Variants in TMEM184B observed in about 807,000 individuals in gnomAD.
TMEM184B encodes putative MAPK-activating protein FM08.
TMEM184B carries 17 observed loss-of-function variants against 41.8 expected under a neutral mutation model. That is an observed-to-expected ratio of 0.41 (90% CI 0.28 to 0.61). The LOEUF (loss-of-function observed/expected upper bound fraction) is 0.61. Among genes scored for constraint, TMEM184B ranks in the 20% least tolerant of loss-of-function variants. The pLI, the probability that TMEM184B is intolerant of heterozygous loss-of-function variation, is 0.34. For synonymous variants in TMEM184B, 240 were observed against 229.5 expected (o/e 1.05, Z -0.41); for missense variants, 393 against 557.8 (o/e 0.70, Z 2.98).
At chr22:38,269,497 A>G (rs1411892086) in intron 1 of TMEM184B, among the ~76,000 whole-genome samples, 1 of 152,102 alleles carries the variant, frequency 6.6e-6, no homozygotes, top group Non-Finnish European at 1.5e-5. Flanking sequence ...TACAGGCATG[A>G]GCCACCACGC....
chr22:38,230,839 A>T (rs1266075281), intron 4 of TMEM184B, 95 bp from the exon 5 acceptor site: 4 of 1,188,292 alleles, frequency 3.4e-6, no homozygotes. Flanking sequence ...ACCCATCCAG[A>T]CGAGCTGGGG....
chr22:38,251,371 C>T (rs1030013428), intron 1 of TMEM184B, among the ~76,000 whole-genome samples: 2 of 152,210 alleles, frequency 1.3e-5, no homozygotes, highest in African/African-American at 2.4e-5. Flanking sequence ...CTTGGTTTTA[C>T]AGCCACCCAG....
At chr22:38,224,086 G>C (rs889560141) in intron 8 of TMEM184B, 1 of 152,208 alleles carries the variant, frequency 6.6e-6, no homozygotes, top group Non-Finnish European at 1.5e-5. Context: ...ATTACCATCC[G>C]AGTCTGTTTC....
At chr22:38,227,581 C>G (rs1050170754) in intron 5 of TMEM184B, among the ~76,000 whole-genome samples, 3 of 152,088 alleles carry the variant, frequency 2.0e-5, no homozygotes, top group Non-Finnish European at 2.9e-5. Flanking sequence ...AGAGGTCACT[C>G]TGGGGATGGA....
intron 3 of TMEM184B, among the ~76,000 whole-genome samples, chr22:38,234,860 C>T: frequency 6.6e-6 from 1 of 152,204 alleles, no homozygotes; most frequent in East Asian, 1.9e-4. Flanking sequence ...GCTGTGTGGC[C>T]TCAGGCAAGT....
At chr22:38,228,515 C>A (rs980352364) in intron 5 of TMEM184B, among the ~76,000 whole-genome samples, 3 of 152,198 alleles carry the variant, frequency 2.0e-5, no homozygotes, top group Admixed American at 6.5e-5. Flanking sequence ...ACATCAGAAC[C>A]CCCAGGGAGC....
Position 38,226,809 on chromosome 22 carries a change from G to C in TMEM184B, c.587C>G (p.Ala196Gly). ...GTCCCCATCCCGGTACTTGCCGAAG[G>C]CCTGGAGGACCACAGTGCTGACCGC... is the stretch of plus-strand genomic sequence containing the variant. ...LMAVSTVVLQ[A>G]FGKYRDGDFD... Residue 196 changes from alanine (A) to glycine (G), a missense_variant, in exon 6 of 9, where the codon GCC (alanine) becomes GGC (glycine). Around this residue, in one of 2 missense-constraint regions of TMEM184B, gnomAD observed 271 missense variants for 434.1 expected, o/e 0.62. Coordinates refer to ENST00000361906, the MANE Select transcript of TMEM184B (RefSeq NM_012264.5). The surrounding 1 kb of genome is among the most constrained non-coding windows in gnomAD (Gnocchi z 4.6). 6.2e-7 allele frequency: 1 copy of C among 1,605,864 alleles called. No homozygotes were observed. The highest frequency in any genetic ancestry group is 8.5e-7 in the Non-Finnish European group (1 of 1,176,348).
In TMEM184B at chr22:38,221,058, G is replaced by C; in HGVS notation, c.*411C>G. 1.9e-6 allele frequency: 2 copies of C among 1,039,760 alleles called. No individual in the cohort carries two copies. The highest frequency in any genetic ancestry group is 2.3e-6 in the Non-Finnish European group (2 of 864,080). 64.4% of individuals were successfully genotyped at this position (1,039,760 alleles called of 1,614,324 possible). On this transcript the variant is annotated 3_prime_UTR_variant, in exon 9 of 9. Transcript: ENST00000361906. The stretch of plus-strand genomic sequence containing the variant: ...GCCCAGGTCAGACAGGGTATTGCAC[G>C]GTGTGTGGGGGAGCCACGGCTTGCC...
chr22:38,243,868 G>A (rs1420151660), intron 3 of TMEM184B, among the ~76,000 whole-genome samples: 1 of 152,166 alleles, frequency 6.6e-6, no homozygotes, highest in African/African-American at 2.4e-5. Context: ...CTCTGGCAGG[G>A]CTAATCATGC....
chr22:38,237,715 G>T (rs1272487582), intron 3 of TMEM184B, among the ~76,000 whole-genome samples: 1 of 152,162 alleles, frequency 6.6e-6, no homozygotes, highest in Admixed American at 6.5e-5. Context: ...ACAGTGTGTT[G>T]CAACCAAGGG....
chr22:38,246,206 G>A (rs1164413454), intron 2 of TMEM184B, 106 bp from the exon 3 acceptor site: 21 of 1,369,870 alleles, frequency 1.5e-5, no homozygotes, highest in East Asian at 2.4e-5. Context: ...CCCGATGCAC[G>A]TGACCTACCC....
At chr22:38,245,860 G>T in intron 3 of TMEM184B, 75 bp downstream of exon 3, 3 of 1,438,362 alleles carry the variant, frequency 2.1e-6, no homozygotes, top group Non-Finnish European at 1.9e-6. Flanking sequence ...AAGCCCCTCG[G>T]GGAGGAATGT....
At chr22:38,261,599 T>C (rs1040333366) in intron 1 of TMEM184B, among the ~76,000 whole-genome samples, 4 of 152,108 alleles carry the variant, frequency 2.6e-5, no homozygotes, top group Non-Finnish European at 5.9e-5. Flanking sequence ...TACATACCAG[T>C]CCTAATTTTG....
chr22:38,247,985 CT>C lies in TMEM184B; in HGVS notation c.-25del. ...ATGGTGCCTGGCAGCAGGAGGCTCC[CT>C]GAGGGAAACCTTTGCAGAAAGTGAC... On this transcript the variant is annotated 5_prime_UTR_variant, in exon 2 of 9. Transcript: ENST00000361906. The C allele has an allele frequency of 6.5e-7, 1 of 1,545,708 alleles. No homozygotes were observed. Among genetic ancestry groups the C allele is most frequent in the Non-Finnish European group, 8.7e-7 (1 of 1,151,668 alleles).
intron 1 of TMEM184B, among the ~76,000 whole-genome samples, chr22:38,262,173 C>G (rs577195266): frequency 5.1e-4 from 78 of 152,362 alleles, no homozygotes; most frequent in African/African-American, 1.8e-3. Context: ...TCTGTACACT[C>G]TGTGTGTGGG....
At chr22:38,272,029 T>C (rs140206378) in intron 1 of TMEM184B, among the ~76,000 whole-genome samples, 37 of 152,284 alleles carry the variant, frequency 2.4e-4, no homozygotes, top group Middle Eastern at 3.4e-3. Flanking sequence ...AGCAGTCAGA[T>C]AAATAATACA....
intron 1 of TMEM184B, among the ~76,000 whole-genome samples, chr22:38,254,129 A>G (rs1374201055): frequency 6.7e-6 from 1 of 150,286 alleles, no homozygotes; most frequent in African/African-American, 2.4e-5. Context: ...TGAACCAGGA[A>G]GGCAGAGGTT....
chr22:38,225,312 G>A lies in TMEM184B; in HGVS notation c.787+112C>T, dbSNP rs1382958230. 2 of 1,345,160 alleles carry A rather than the reference G, an allele frequency of 1.5e-6. No homozygotes were observed. The highest frequency in any genetic ancestry group is 3.0e-5 in the African/African-American group (2 of 67,516). 83.3% of individuals were successfully genotyped at this position (1,345,160 alleles called of 1,614,324 possible). A position where few individuals can be genotyped will look rare whatever the true frequency, so the allele number is the denominator to read the frequency against. ...CCCCAGCAAGTGCCCAGTGGGCTGA[G>A]GCCCCTCTGAACAGGCCCTACAGGC... On this transcript the variant is annotated intron_variant, in intron 7 of 8. Transcript: ENST00000361906. The surrounding 1 kb of genome is among the most constrained non-coding windows in gnomAD (Gnocchi z 4.4).
At chr22:38,252,259 C>T (rs796310452) in intron 1 of TMEM184B, among the ~76,000 whole-genome samples, 1 of 152,074 alleles carries the variant, frequency 6.6e-6, no homozygotes, top group Non-Finnish European at 1.5e-5. Flanking sequence ...TGGGGTTTTA[C>T]CATGTTACTC....
Sources: gnomAD v4.1 joint callset for allele counts (sites outside exome capture counted in the v4.1 genomes callset) on GRCh38, gnomAD v4.1.1 for gene constraint, gnomAD v4.1.1 regional missense constraint, Gnocchi (gnomAD v3.1) non-coding constraint, MANE v1.5 for transcripts, NCBI Gene and HGNC (gene_info 2026-07-23, HGNC 2026-07-21) for gene names.